TMTC1: variants seen among roughly 807,000 people sequenced by gnomAD.
TMTC1 encodes the protein transmembrane O-mannosyltransferase targeting cadherins 1.
Under a neutral mutation model 104.8 loss-of-function variants are expected in TMTC1, and 73 were observed. That is an observed-to-expected ratio of 0.70 (90% CI 0.58 to 0.85). The LOEUF is 0.85. Ranked by LOEUF, TMTC1 falls within the 40% of genes least tolerant of loss-of-function variation. The pLI is 0.00. For synonymous variants in TMTC1, 434 were observed against 428.7 expected, an observed-to-expected ratio of 1.01 and a Z score of -0.15; for missense variants, 1,035 against 1,096.1, an observed-to-expected ratio of 0.94 and a Z score of 0.79.
At chr12:29,686,977 T>C (rs1941114231) in intron 5 of TMTC1, among the ~76,000 whole-genome samples, 1 of 148,314 alleles carries the variant, frequency 6.7e-6, no homozygotes, top group Admixed American at 6.9e-5. Context: ...TATGAGTCTA[T>C]TTTTTATTAA....
At chr12:29,518,931 TG>T (rs1458279721) in intron 12 of TMTC1, among the ~76,000 whole-genome samples, 1 of 152,200 alleles carries the variant, frequency 6.6e-6, no homozygotes, top group Non-Finnish European at 1.5e-5. Flanking sequence ...AGATTATTAG[TG>T]ATTGTTATTT....
intron 5 of TMTC1, among the ~76,000 whole-genome samples, chr12:29,662,693 T>C (rs1940091077): frequency 1.3e-5 from 2 of 148,790 alleles, no homozygotes; most frequent in African/African-American, 2.5e-5. Context: ...AAAAAGAGGA[T>C]TGCTTACAAA....
intron 5 of TMTC1, among the ~76,000 whole-genome samples, chr12:29,748,170 T>C (rs1943003157): frequency 6.6e-6 from 1 of 152,190 alleles, no homozygotes; most frequent in South Asian, 2.1e-4. Context: ...TTAGTGAGAA[T>C]CCGGCCCAAT....
At chr12:29,509,287 C>T (rs1943769884) in intron 17 of TMTC1, among the ~76,000 whole-genome samples, 1 of 152,170 alleles carries the variant, frequency 6.6e-6, no homozygotes. Context: ...TTTCTTGGTC[C>T]ACTCACTTCA....
chr12:29,526,851 G>T (rs966739146), intron 11 of TMTC1, among the ~76,000 whole-genome samples: 4 of 151,980 alleles, frequency 2.6e-5, no homozygotes, highest in Non-Finnish European at 4.4e-5. Context: ...AATTATGATG[G>T]ATAACATACC....
At chr12:29,607,658 T>C (rs761317901) in intron 6 of TMTC1, among the ~76,000 whole-genome samples, 4 of 152,294 alleles carry the variant, frequency 2.6e-5, no homozygotes, top group Middle Eastern at 3.4e-3. Context: ...CCCTTATGCA[T>C]AGAAAGAAAC....
At chr12:29,712,198 T>A (rs1280345207) in intron 5 of TMTC1, among the ~76,000 whole-genome samples, 1 of 152,098 alleles carries the variant, frequency 6.6e-6, no homozygotes, top group African/African-American at 2.4e-5. Context: ...TATCTTACAT[T>A]ATGTTGAACA....
chr12:29,706,662 C>A (rs978025007), intron 5 of TMTC1, among the ~76,000 whole-genome samples: 1 of 152,192 alleles, frequency 6.6e-6, no homozygotes, highest in African/African-American at 2.4e-5. Context: ...GAATCTTAAA[C>A]CACTTGGGAA....
chr12:29,742,320 T>C (rs1485778540), intron 5 of TMTC1, among the ~76,000 whole-genome samples: 3 of 152,214 alleles, frequency 2.0e-5, no homozygotes, highest in African/African-American at 7.2e-5. Flanking sequence ...CTTAAAAGTC[T>C]ATACTTATGT....
chr12:29,733,116 A>G (rs1285352703), intron 5 of TMTC1, among the ~76,000 whole-genome samples: 5 of 152,166 alleles, frequency 3.3e-5, no homozygotes, highest in African/African-American at 1.2e-4. Context: ...ATTTTCTCCC[A>G]TGCAAAATAT....
chr12:29,656,904 T>C lies in TMTC1; in HGVS notation c.939-23568A>G, dbSNP rs192149404. Among the ~76,000 whole-genome samples, 140 of 152,302 alleles carry C rather than the reference T, an allele frequency of 9.2e-4. 2 individuals are homozygous for C. In the East Asian group the frequency reaches 0.012, roughly 13 times the overall value. On this transcript the variant is annotated intron_variant, in intron 5 of 17. Transcript: ENST00000539277. ...AGAAAACCCTACCACTTAATGCCCT[T>C]GGCCCCTAAGATGTTACAGCTAGGA... is the stretch of plus-strand genomic sequence containing the variant.
At chr12:29,609,315 G>A (rs1946783121) in intron 6 of TMTC1, among the ~76,000 whole-genome samples, 1 of 152,150 alleles carries the variant, frequency 6.6e-6, no homozygotes, top group Non-Finnish European at 1.5e-5. Flanking sequence ...CCCCTCTTCA[G>A]CCCCGGGGTT....
intron 5 of TMTC1, among the ~76,000 whole-genome samples, chr12:29,740,629 C>T (rs1314145705): frequency 2.6e-5 from 4 of 152,052 alleles, no homozygotes; most frequent in Non-Finnish European, 5.9e-5. Flanking sequence ...TATATAATCT[C>T]CTATTAGTTC....
At chr12:29,688,666 T>C (rs1941172289) in intron 5 of TMTC1, among the ~76,000 whole-genome samples, 1 of 152,232 alleles carries the variant, frequency 6.6e-6, no homozygotes, top group Admixed American at 6.5e-5. Context: ...CCTATGGGTG[T>C]TTCACATGTA....
At chr12:29,728,783 G>C (rs181079628) in intron 5 of TMTC1, among the ~76,000 whole-genome samples, 1 of 151,684 alleles carries the variant, frequency 6.6e-6, no homozygotes, top group East Asian at 2.0e-4. Context: ...TGGATCACGA[G>C]GTCAGGAGTT....
chr12:29,698,125 T>C (rs1297691239), intron 5 of TMTC1, among the ~76,000 whole-genome samples: 1 of 152,206 alleles, frequency 6.6e-6, no homozygotes, highest in East Asian at 1.9e-4. Context: ...AATTGCCTTT[T>C]GTCCCTTCCC....
At chr12:29,768,940 TAC>T (rs1176707022) in intron 1 of TMTC1, among the ~76,000 whole-genome samples, 1 of 152,102 alleles carries the variant, frequency 6.6e-6, no homozygotes, top group Non-Finnish European at 1.5e-5. Flanking sequence ...ACAGAAAAAA[TAC>T]ACTTGCACAA....
intron 11 of TMTC1, chr12:29,534,735 CA>C (rs762249889): frequency 6.6e-6 from 1 of 152,166 alleles, no homozygotes; most frequent in Non-Finnish European, 1.5e-5. Flanking sequence ...AAATCTTGAT[CA>C]TTTTTAAAAT....
chr12:29,767,646 T>C (rs960184482), intron 2 of TMTC1, among the ~76,000 whole-genome samples: 2 of 152,106 alleles, frequency 1.3e-5, no homozygotes, highest in African/African-American at 4.8e-5. Flanking sequence ...GAAAACCAAT[T>C]TGAACATTCA....
Sources: allele counts gnomAD v4.1 joint callset (sites outside exome capture counted in the v4.1 genomes callset), GRCh38; gene constraint gnomAD v4.1.1; transcripts MANE v1.5; gene names NCBI Gene and HGNC (gene_info 2026-07-23, HGNC 2026-07-21).